The following COP1 variants were observed in gnomAD, a reference collection of about 807,000 sequenced individuals.
COP1 encodes the protein E3 ubiquitin-protein ligase COP1.
Under a neutral mutation model 101.3 loss-of-function variants are expected in COP1, and 24 were observed. The ratio of observed to expected loss-of-function variants is 0.24; its 90% CI spans 0.17 to 0.33. The LOEUF is 0.33. Ranked by LOEUF, COP1 falls within the 10% of genes least tolerant of loss-of-function variation. COP1 has a pLI of 1.00. For synonymous variants in COP1, 347 were observed against 341.9 expected (o/e 1.01, Z -0.17); for missense variants, 663 against 906.2 (o/e 0.73, Z 3.45).
intron 14 of COP1, among the ~76,000 whole-genome samples, chr1:176,035,710 CAAA>C (rs71129541): frequency 3.7e-4 from 27 of 73,096 alleles, no homozygotes; most frequent in African/African-American, 4.9e-4. Context: ...AAAACGAGAC[CAAA>C]AAAAAAAAAA....
intron 8 of COP1, among the ~76,000 whole-genome samples, chr1:176,131,291 G>A (rs971637214): frequency 1.3e-5 from 2 of 151,924 alleles, no homozygotes; most frequent in African/African-American, 4.8e-5. Flanking sequence ...GCTAGATGAG[G>A]TGATGCTAAG....
rs545354678 is a variant in COP1 at position 176,194,227 on chromosome 1, A to C, written c.408-9535T>G. 6.6e-4 allele frequency among the ~76,000 whole-genome samples: 101 copies of C among 152,286 alleles called. 3 individuals are homozygous for C. Among genetic ancestry groups the C allele is most frequent in the African/African-American group, 2.4e-3 (100 of 41,564 alleles). On this transcript the variant is annotated intron_variant, in intron 1 of 19. Transcript: ENST00000367669. Reference sequence around the variant, plus strand: ...ATCCCAAAAGCAAGAAAGGAAGAAAAAAAGAGAAAAGAAATAGAAGAGACA... The same window carrying C: ...ATCCCAAAAGCAAGAAAGGAAGAAACAAAGAGAAAAGAAATAGAAGAGACA...
chr1:176,063,047 GTTTTT>G (rs34464104), intron 11 of COP1, among the ~76,000 whole-genome samples: 73 of 90,606 alleles, frequency 8.1e-4, no homozygotes, highest in African/African-American at 2.8e-3. Flanking sequence ...TTTTGAAAAT[GTTTTT>G]TTTTTTTTTT....
In COP1 at chr1:175,945,131, C is replaced by T. The variant is rs895908496; in HGVS notation, c.*22G>A. 6.4e-6 allele frequency: 10 copies of T among 1,550,978 alleles called. No individual in the cohort carries two copies. The Admixed American group carries it at 1.0e-4, about 16-fold the overall frequency. On this transcript the variant is annotated 3_prime_UTR_variant, in exon 20 of 20. Coordinates refer to ENST00000367669, the MANE Select transcript of COP1 (RefSeq NM_022457.7). ...AGATGTATTTCAGCAGGATCAAGTA[C>T]AATTTGACTTGAGTTAACCCTTCAT... is the stretch of plus-strand genomic sequence containing the variant.
At chr1:175,984,342 A>G (rs1225276684) in intron 18 of COP1, among the ~76,000 whole-genome samples, 1 of 152,258 alleles carries the variant, frequency 6.6e-6, no homozygotes, top group African/African-American at 2.4e-5. Context: ...TGCAAGCCCA[A>G]AGCCTTGGCA....
At position 175,947,757 on chromosome 1, in the gene COP1, T is replaced by C. The variant is rs182842284; in HGVS notation, c.2134-518A>G. ...GTAAGTTTTAATAAAAGAATAAAGTTAGAAGCAGAGTAGGACACTTTTGAA... is the reference window on the plus strand; with the variant it reads ...GTAAGTTTTAATAAAAGAATAAAGTCAGAAGCAGAGTAGGACACTTTTGAA... On this transcript the variant is annotated intron_variant, in intron 18 of 19. Coordinates refer to ENST00000367669, the MANE Select transcript of COP1 (RefSeq NM_022457.7). Among the ~76,000 whole-genome samples the C allele has an allele frequency of 2.6e-5, 4 of 152,090 alleles. No homozygotes were observed. The East Asian group carries it at 7.7e-4, about 29-fold the overall frequency.
chr1:176,087,635 G>A (rs1191806030), intron 9 of COP1, among the ~76,000 whole-genome samples: 1 of 152,314 alleles, frequency 6.6e-6, no homozygotes, highest in Non-Finnish European at 1.5e-5. Flanking sequence ...GAAGAAACAG[G>A]AACGCTTTTA....
intron 15 of COP1, among the ~76,000 whole-genome samples, chr1:176,005,227 T>C (rs1289681916): frequency 1.3e-5 from 2 of 152,186 alleles, no homozygotes; most frequent in Non-Finnish European, 2.9e-5. Context: ...ATTGCATCTA[T>C]TTGATTCTTC....
intron 9 of COP1, among the ~76,000 whole-genome samples, chr1:176,115,293 T>C (rs1242776666): frequency 6.6e-6 from 1 of 151,288 alleles, no homozygotes; most frequent in Non-Finnish European, 1.5e-5. Context: ...CTACTAAAAA[T>C]ACAAAAATTA....
At chr1:176,202,154 T>C (rs1558309045) in intron 1 of COP1, among the ~76,000 whole-genome samples, 1 of 151,848 alleles carries the variant, frequency 6.6e-6, no homozygotes, top group Non-Finnish European at 1.5e-5. Context: ...CTGTCTTTAT[T>C]ACGACAGATT....
chr1:176,205,879 T>C (rs1344120465), intron 1 of COP1, among the ~76,000 whole-genome samples: 1 of 152,222 alleles, frequency 6.6e-6, no homozygotes, highest in Non-Finnish European at 1.5e-5. Context: ...AGGGATGTTA[T>C]TTAACAAACG....
chr1:175,991,731 T>A (rs1317271809), intron 15 of COP1, among the ~76,000 whole-genome samples: 1 of 152,220 alleles, frequency 6.6e-6, no homozygotes, highest in Non-Finnish European at 1.5e-5. Flanking sequence ...AAAAGCTTTT[T>A]AAACTTTTTT....
chr1:176,199,981 T>C (rs887420633), intron 1 of COP1, among the ~76,000 whole-genome samples: 1 of 152,168 alleles, frequency 6.6e-6, no homozygotes, highest in African/African-American at 2.4e-5. Context: ...AGGAAATGGG[T>C]GGTTAACTTG....
At chr1:176,188,545 T>C (rs1039836127) in intron 1 of COP1, among the ~76,000 whole-genome samples, 7 of 152,198 alleles carry the variant, frequency 4.6e-5, no homozygotes, top group Non-Finnish European at 1.0e-4. Context: ...TGAGCGAGTC[T>C]GTTGGCAGCT....
rs546854636 is a variant in COP1 at position 175,952,011 on chromosome 1, CAG to C, written c.2134-4774_2134-4773del. Among the ~76,000 whole-genome samples the C allele has an allele frequency of 7.2e-5, 11 of 152,250 alleles. No individual in the cohort carries two copies. In the East Asian group the frequency reaches 1.7e-3, roughly 24 times the overall value. Reference sequence around the variant, plus strand: ...CAGTTACACTGCTGAAGACAAGAAACAGAGAAAATCTGTAGAAATGCCAAAGA... The same window carrying C: ...CAGTTACACTGCTGAAGACAAGAAACAGAAAATCTGTAGAAATGCCAAAGA... On this transcript the variant is annotated intron_variant, in intron 18 of 19. Transcript: ENST00000367669.
At chr1:176,151,853 T>C (rs544621372) in intron 5 of COP1, among the ~76,000 whole-genome samples, 4 of 152,276 alleles carry the variant, frequency 2.6e-5, no homozygotes, top group Non-Finnish European at 5.9e-5. Flanking sequence ...AATGAGTAAT[T>C]TGGTCCTTAC....
chr1:176,058,317 G>A (rs1337542490), intron 11 of COP1, among the ~76,000 whole-genome samples: 1 of 152,196 alleles, frequency 6.6e-6, no homozygotes, highest in Non-Finnish European at 1.5e-5. Flanking sequence ...CGGTTTTGTG[G>A]AATAGAAAAG....
intron 8 of COP1, among the ~76,000 whole-genome samples, chr1:176,122,928 A>T (rs1003105763): frequency 2.0e-5 from 3 of 152,220 alleles, no homozygotes; most frequent in Non-Finnish European, 4.4e-5. Flanking sequence ...CGGTTGGTAG[A>T]ATGTCAAAAA....
chr1:176,162,171 T>G (rs1694438716), intron 5 of COP1, among the ~76,000 whole-genome samples: 1 of 152,146 alleles, frequency 6.6e-6, no homozygotes, highest in Admixed American at 6.5e-5. Context: ...GGTTCTAATC[T>G]TCTCAAAGTT....
Sources: allele counts gnomAD v4.1 joint callset (sites outside exome capture counted in the v4.1 genomes callset), GRCh38; gene constraint gnomAD v4.1.1; transcripts MANE v1.5; gene names NCBI Gene and HGNC (gene_info 2026-07-23, HGNC 2026-07-21).